The following ZNF445 variants were observed in gnomAD, a reference collection of about 807,000 sequenced individuals.
ZNF445 encodes zinc finger protein 168.
ZNF445 carries 19 observed loss-of-function variants against 93.9 expected under a neutral mutation model. The observed-to-expected ratio is 0.20, with a 90% CI of 0.14 to 0.30. ZNF445 has a LOEUF of 0.30. Among genes scored for constraint, ZNF445 ranks in the 10% least tolerant of loss-of-function variants. The probability of loss-of-function intolerance (pLI) is 1.00; values close to 1 mark genes in which losing one functional copy is unlikely to be tolerated. For missense variants in ZNF445, 1,058 were observed against 1,259.4 expected (o/e 0.84, Z 2.42); for synonymous variants, 449 against 446.3 (o/e 1.01, Z -0.08).
rs752045795 is a variant in ZNF445 at position 44,448,288 on chromosome 3, C to T, written c.1383G>A (p.Val461=). 6.2e-6 allele frequency: 10 copies of T among 1,614,192 alleles called. No individual in the cohort carries two copies. The South Asian group carries it at 9.9e-5, about 16-fold the overall frequency. The change falls in exon 8 of 8, where the codon GTG becomes GTA. Residue 461 remains valine (V), a synonymous_variant. Coordinates refer to ENST00000396077, the MANE Select transcript of ZNF445 (RefSeq NM_181489.6). ...AGCTAAGGCTGAAGTCTTTTCCACA[C>T]ACGTCCTTTTTGTTCCCTTTCAGTC... ...HSGLKGNKKD[V]CGKDFSLSSH...
chr3:44,472,725 C>T (rs983215927), intron 1 of ZNF445, among the ~76,000 whole-genome samples: 1 of 152,152 alleles, frequency 6.6e-6, no homozygotes, highest in Admixed American at 6.6e-5. Context: ...CAGCTGAGCC[C>T]GCCAATGAAA....
chr3:44,464,056 G>A (rs1234351883), intron 1 of ZNF445, among the ~76,000 whole-genome samples: 2 of 152,196 alleles, frequency 1.3e-5, no homozygotes, highest in Admixed American at 6.5e-5. Context: ...AACCTGGGAA[G>A]TGGAGGTTGC....
Position 44,436,931 on chromosome 3 carries a change from C to T in ZNF445, c.*9644G>A, listed in dbSNP as rs1697692649. On this transcript the variant is annotated 3_prime_UTR_variant, in exon 8 of 8. Transcript: ENST00000396077. ...CTTGTTACCGCAAAAGGTTCCCAAT[C>T]CAGACCCCAAGAGAGGGTTCTTGGA... 1 of 152,240 alleles carries T rather than the reference C, an allele frequency of 6.6e-6. No homozygotes were observed. Among genetic ancestry groups the T allele is most frequent in the Non-Finnish European group, 1.5e-5 (1 of 68,050 alleles). The allele number at this position is 152,240 out of a possible 1,614,324, so 9.4% of individuals were successfully genotyped here.
chr3:44,445,108 G>A lies in ZNF445; in HGVS notation c.*1467C>T, dbSNP rs1340022266. 1 of 152,252 alleles carries A rather than the reference G, an allele frequency of 6.6e-6. No individual in the cohort carries two copies. The highest frequency in any genetic ancestry group is 2.4e-5 in the African/African-American group (1 of 41,452). 9.4% of individuals were successfully genotyped at this position (152,252 alleles called of 1,614,324 possible). On this transcript the variant is annotated 3_prime_UTR_variant, in exon 8 of 8. Transcript: ENST00000396077. ...GCACATGCACTTGTTCCTTCGGGTT[G>A]AATCTGATTGCTAGCACCAGATCTC... is the stretch of plus-strand genomic sequence containing the variant.
intron 1 of ZNF445, among the ~76,000 whole-genome samples, chr3:44,468,602 T>C (rs570977903): frequency 1.3e-5 from 2 of 152,260 alleles, no homozygotes; most frequent in South Asian, 4.1e-4. Context: ...GCCCCTGCAC[T>C]TGATGGATTA....
intron 1 of ZNF445, among the ~76,000 whole-genome samples, chr3:44,473,782 A>C (rs1243060513): frequency 6.6e-6 from 1 of 152,000 alleles, no homozygotes; most frequent in African/African-American, 2.4e-5. Context: ...CAATAGTCAA[A>C]GAGCTACAAT....
chr3:44,461,958 C>T (rs373354922), intron 1 of ZNF445, among the ~76,000 whole-genome samples: 5 of 151,818 alleles, frequency 3.3e-5, no homozygotes, highest in East Asian at 1.9e-4. Flanking sequence ...CCTGGTATAC[C>T]GGCAAAAAGG....
chr3:44,454,193 CAA>C (rs560656049), intron 3 of ZNF445, among the ~76,000 whole-genome samples: 1 of 102,086 alleles, frequency 9.8e-6, no homozygotes. Flanking sequence ...GGGTATGCCT[CAA>C]AAAAAAAAAG....
chr3:44,475,745 T>C (rs1162675709), intron 1 of ZNF445, among the ~76,000 whole-genome samples: 1 of 152,094 alleles, frequency 6.6e-6, no homozygotes, highest in African/African-American at 2.4e-5. Flanking sequence ...ACGCCTGTAA[T>C]CCCAGCATTT....
Position 44,455,444 on chromosome 3 carries a change from T to C in ZNF445, c.106A>G (p.Thr36Ala). The C allele has an allele frequency of 1.2e-6, 2 of 1,614,046 alleles. No individual in the cohort carries two copies. Among genetic ancestry groups the C allele is most frequent in the Non-Finnish European group, 1.7e-6 (2 of 1,179,996 alleles). ...VKKEEEDESY[T>A]PVQAARPQTL... ...TGTGGCCTGGCAGCCTGCACTGGAG[T>C]ATAGCTTTCATCCTCTTCTTCCTTC... Residue 36 changes from threonine to alanine, a missense_variant, in exon 3 of 8, where the codon ACT (threonine) becomes GCT (alanine). Around this residue, in one of 3 missense-constraint regions of ZNF445, gnomAD observed 657 missense variants for 746.4 expected, o/e 0.88. Transcript: ENST00000396077.
rs752716842 is a variant in ZNF445 at position 44,449,528 on chromosome 3, C to T, written c.916G>A (p.Val306Ile). ...MQAAQPKGNPVAAPTGDDLQS... is the reference protein window; with the variant it reads ...MQAAQPKGNPIAAPTGDDLQS... ...TGGAACTCACCTGTAGGAGCAGCAA[C>T]TGGATTCCCCTTAGGCTGAGCTGCC... Residue 306 changes from valine to isoleucine, a missense_variant, in exon 7 of 8, where the codon GTT becomes ATT. Coordinates refer to ENST00000396077, the MANE Select transcript of ZNF445 (RefSeq NM_181489.6). 3 of 1,614,010 alleles carry T rather than the reference C, an allele frequency of 1.9e-6. No homozygotes were observed. The highest frequency in any genetic ancestry group is 2.5e-6 in the Non-Finnish European group (3 of 1,179,982).
chr3:44,474,485 G>C (rs998567108), intron 1 of ZNF445, among the ~76,000 whole-genome samples: 2 of 152,150 alleles, frequency 1.3e-5, no homozygotes, highest in African/African-American at 4.8e-5. Context: ...TTGCACTCCA[G>C]CCAGTGCAAC....
At chr3:44,463,531 TG>T (rs1698149889) in intron 1 of ZNF445, among the ~76,000 whole-genome samples, 1 of 152,220 alleles carries the variant, frequency 6.6e-6, no homozygotes, top group South Asian at 2.1e-4. Context: ...CGCTCTGTTC[TG>T]TTTTGCGTTG....
At chr3:44,450,716 C>T (rs1320037047) in intron 5 of ZNF445, 143 bp from the exon 6 acceptor site, 1 of 1,326,974 alleles carries the variant, frequency 7.5e-7, no homozygotes, top group Non-Finnish European at 1.0e-6. Flanking sequence ...CAGCAGAAGA[C>T]CTCTGGGCTT....
intron 1 of ZNF445, among the ~76,000 whole-genome samples, chr3:44,476,791 T>G (rs1698364384): frequency 6.6e-6 from 1 of 152,172 alleles, no homozygotes; most frequent in Non-Finnish European, 1.5e-5. Context: ...ATAACCACCC[T>G]GACAAACAAG....
In ZNF445 at chr3:44,446,411, A is replaced by G. The variant is rs1407174804; in HGVS notation, c.*164T>C. ...TCCCCAGCGTCACATCCTAGCAGGC[A>G]GGCTGGGGACTCCCCGAGCTTTCAA... is the stretch of plus-strand genomic sequence containing the variant. On this transcript the variant is annotated 3_prime_UTR_variant, in exon 8 of 8. Coordinates refer to ENST00000396077, the MANE Select transcript of ZNF445 (RefSeq NM_181489.6). The surrounding 1 kb of genome is among the most constrained non-coding windows in gnomAD (Gnocchi z 4.2). 3.1e-6 allele frequency: 3 copies of G among 972,844 alleles called. No individual in the cohort carries two copies. In the Admixed American group the frequency reaches 8.3e-5, roughly 27 times the overall value. 60.3% of individuals were successfully genotyped at this position (972,844 alleles called of 1,614,324 possible).
intron 1 of ZNF445, among the ~76,000 whole-genome samples, chr3:44,467,927 T>C (rs2125684892): frequency 6.6e-6 from 1 of 152,344 alleles, no homozygotes; most frequent in Admixed American, 6.5e-5. Context: ...CCCAAACTAA[T>C]ACTTTCAAAT....
rs765349040 is a variant in ZNF445 at position 44,446,995 on chromosome 3, T to C, written c.2676A>G (p.Thr892=). ...ACCACTGACATTTGAAAGGTCTCTCTGTAGAGTGGATCCTCTGATGGTTAA... is the reference window on the plus strand; with the variant it reads ...ACCACTGACATTTGAAAGGTCTCTCCGTAGAGTGGATCCTCTGATGGTTAA... ...RLVNHQRIHS[T]ERPFKCQWCG... is the part of the protein sequence containing the mutation. The change falls in exon 8 of 8, where the codon ACA becomes ACG. Residue 892 remains threonine (T), a synonymous_variant. Transcript: ENST00000396077. This position sits in a 1 kb window ranked among gnomAD's most constrained non-coding sequence, Gnocchi z 4.2. 2 of 1,614,264 alleles carry C rather than the reference T, an allele frequency of 1.2e-6. No homozygotes were observed. The highest frequency in any genetic ancestry group is 1.7e-6 in the Non-Finnish European group (2 of 1,180,056).
At chr3:44,474,729 G>A (rs56234157) in intron 1 of ZNF445, among the ~76,000 whole-genome samples, 59,533 of 151,976 alleles carry the variant, frequency 0.39, 12,937 homozygotes, top group East Asian at 0.86. Context: ...CTGTACCAAC[G>A]TAAATTTTTT....
Sources: gnomAD v4.1 joint callset for allele counts (sites outside exome capture counted in the v4.1 genomes callset) on GRCh38, gnomAD v4.1.1 for gene constraint, gnomAD v4.1.1 regional missense constraint, Gnocchi (gnomAD v3.1) non-coding constraint, MANE v1.5 for transcripts, NCBI Gene and HGNC (gene_info 2026-07-23, HGNC 2026-07-21) for gene names.